Variants in PDE8B observed in about 807,000 individuals in gnomAD.
The protein encoded by PDE8B is high affinity cAMP-specific and IBMX-insensitive 3',5'-cyclic phosphodiesterase 8B.
In PDE8B, 26 loss-of-function variants were observed where a neutral mutation model predicts 101.3. That is an observed-to-expected ratio of 0.26 (90% confidence interval 0.19 to 0.36). The LOEUF is 0.36. Among genes scored for constraint, PDE8B ranks in the 10% least tolerant of loss-of-function variants. PDE8B has a pLI of 1.00. For synonymous variants in PDE8B, 424 were observed against 429.3 expected, an observed-to-expected ratio of 0.99 and a Z score of 0.15; for missense variants, 810 against 1,163.1, an observed-to-expected ratio of 0.70 and a Z score of 4.42.
At chr5:77,318,935 C>T (rs561774596) in intron 2 of PDE8B, among the ~76,000 whole-genome samples, 2 of 152,274 alleles carry the variant, frequency 1.3e-5, no homozygotes, top group South Asian at 4.1e-4. Flanking sequence ...TAATGAACAC[C>T]TATATTGCCT....
At chr5:77,284,061 T>G (rs529576012) in intron 1 of PDE8B, among the ~76,000 whole-genome samples, 18 of 152,338 alleles carry the variant, frequency 1.2e-4, no homozygotes, top group Non-Finnish European at 2.9e-5. Context: ...TTGTTTTAAT[T>G]TGCATTTCCC....
chr5:77,236,119 G>T (rs1437556208), intron 1 of PDE8B, among the ~76,000 whole-genome samples: 1 of 152,238 alleles, frequency 6.6e-6, no homozygotes, highest in Non-Finnish European at 1.5e-5. Context: ...GCAAGGGAGT[G>T]AGCCATGTGG....
intron 21 of PDE8B, 106 bp downstream of exon 21, chr5:77,426,002 A>G: frequency 1.7e-6 from 2 of 1,200,548 alleles, no homozygotes; most frequent in Non-Finnish European, 2.4e-6. Flanking sequence ...ATATTTTTAA[A>G]AATGTGGCTG....
the PDE8B span, among the ~76,000 whole-genome samples, chr5:77,137,822 C>T: frequency 6.6e-6 from 1 of 151,834 alleles, no homozygotes; most frequent in East Asian, 1.9e-4. Flanking sequence ...TCATTAAAGC[C>T]AAGGAGAGAC....
the PDE8B span, among the ~76,000 whole-genome samples, chr5:77,102,082 G>T: frequency 0.018 from 2,723 of 152,230 alleles, 86 homozygotes; most frequent in African/African-American, 0.06. Context: ...GAAATTTGAG[G>T]CTCTTCCCTA....
At chr5:77,203,466 A>G in the PDE8B span, among the ~76,000 whole-genome samples, 30 of 152,214 alleles carry the variant, frequency 2.0e-4, no homozygotes, top group Non-Finnish European at 4.1e-4. Context: ...AGCACCTGGC[A>G]CAGTGGTGGT....
At chr5:77,122,356 T>A in the PDE8B span, among the ~76,000 whole-genome samples, 1 of 152,206 alleles carries the variant, frequency 6.6e-6, no homozygotes, top group African/African-American at 2.4e-5. Context: ...CTTTTCAGCA[T>A]AGGAACACCT....
chr5:77,266,663 A>G (rs1761770074), intron 1 of PDE8B, among the ~76,000 whole-genome samples: 1 of 152,214 alleles, frequency 6.6e-6, no homozygotes, highest in Non-Finnish European at 1.5e-5. Flanking sequence ...AGAGGCTCAC[A>G]GGAATCTAAC....
intron 1 of PDE8B, among the ~76,000 whole-genome samples, chr5:77,258,809 G>T (rs1759751812): frequency 6.6e-6 from 1 of 152,100 alleles, no homozygotes; most frequent in South Asian, 2.1e-4. Flanking sequence ...CCTTGTCTTG[G>T]AAATTGCAAC....
intron 6 of PDE8B, among the ~76,000 whole-genome samples, chr5:77,339,317 C>G (rs902190995): frequency 1.3e-5 from 2 of 152,120 alleles, no homozygotes; most frequent in Admixed American, 6.5e-5. Context: ...GGACTTGACC[C>G]ACGAAGGTAG....
chr5:77,409,000 G>T lies in PDE8B; in HGVS notation c.1473G>T (p.Gln491His). The T allele has an allele frequency of 6.2e-7, 1 of 1,613,826 alleles. No homozygotes were observed. Among genetic ancestry groups the T allele is most frequent in the Non-Finnish European group, 8.5e-7 (1 of 1,179,676 alleles). ...ILRTTELYSP[Q>H]LGTKDEDPHT... is the part of the protein sequence containing the mutation. ...GGACCACAGAACTGTACTCCCCTCA[G>T]CTGGGTACCAAAGATGAAGATCCCC... The change falls in exon 14 of 22, where the codon CAG becomes CAT. Residue 491 changes from glutamine to histidine, a missense_variant. By Grantham distance (24) the Gln-to-His change is conservative. Transcript: ENST00000264917.
intron 14 of PDE8B, chr5:77,410,647 T>G (rs777923909): frequency 2.0e-5 from 3 of 150,976 alleles, no homozygotes; most frequent in Non-Finnish European, 4.4e-5. Context: ...CAAGAATCTC[T>G]TGCCATACAC....
intron 1 of PDE8B, among the ~76,000 whole-genome samples, chr5:77,273,248 C>T (rs892948551): frequency 5.3e-5 from 8 of 152,240 alleles, no homozygotes; most frequent in East Asian, 3.9e-4. Flanking sequence ...AACATTGTAT[C>T]GTTTTTTATA....
the PDE8B span, among the ~76,000 whole-genome samples, chr5:77,189,380 A>C: frequency 6.6e-6 from 1 of 152,144 alleles, no homozygotes; most frequent in Non-Finnish European, 1.5e-5. Context: ...AGGAGAAAGG[A>C]TGCAAGTGTC....
chr5:77,404,945 G>A (rs1793131471), intron 12 of PDE8B, 148 bp downstream of exon 12: 1 of 630,176 alleles, frequency 1.6e-6, no homozygotes. Context: ...GGTTTTAGGG[G>A]TTTTAATTAT....
intron 10 of PDE8B, among the ~76,000 whole-genome samples, chr5:77,385,258 C>T (rs59428951): frequency 2.2e-3 from 334 of 152,188 alleles, no homozygotes; most frequent in African/African-American, 7.8e-3. Context: ...GGTTTATTTG[C>T]GTAGAGGTAT....
chr5:77,190,602 T>G, the PDE8B span, among the ~76,000 whole-genome samples: 1 of 152,190 alleles, frequency 6.6e-6, no homozygotes, highest in Admixed American at 6.5e-5. Context: ...GACACACAGA[T>G]GAGTGTGATG....
At chr5:77,383,508 C>T (rs1787928629) in intron 10 of PDE8B, among the ~76,000 whole-genome samples, 1 of 152,122 alleles carries the variant, frequency 6.6e-6, no homozygotes, top group African/African-American at 2.4e-5. Context: ...ACTAGTCTGA[C>T]TTCATGATTA....
intron 1 of PDE8B, among the ~76,000 whole-genome samples, chr5:77,245,839 T>TTCCCCCCCCCACCCCCC (rs1561407187): frequency 1.6e-4 from 1 of 6,078 alleles, no homozygotes; most frequent in Admixed American, 2.8e-3. Flanking sequence ...TATAACCTCC[T>TTCCCCCCCCCACCCCCC]CCCCCCCCCG....
Sources: gnomAD v4.1 joint callset for allele counts (sites outside exome capture counted in the v4.1 genomes callset) on GRCh38, gnomAD v4.1.1 for gene constraint, MANE v1.5 for transcripts, NCBI Gene and HGNC (gene_info 2026-07-23, HGNC 2026-07-21) for gene names.